The following RGPD4 variants were observed in gnomAD, a reference collection of about 807,000 sequenced individuals.
RGPD4 encodes RANBP2 like and GRIP domain containing 4, also known as ranBP2-like and GRIP domain-containing protein 4.
In RGPD4, 84 loss-of-function variants were observed where a neutral mutation model predicts 141.1. The observed-to-expected ratio is 0.60, with a 90% CI of 0.50 to 0.71. The LOEUF (loss-of-function observed/expected upper bound fraction) is 0.71. RGPD4 is among the 30% of genes least tolerant of loss of function. The pLI is 0.00. For synonymous variants in RGPD4, 298 were observed against 566.8 expected (o/e 0.53, Z 6.74); for missense variants, 918 against 1,622.4 (o/e 0.57, Z 7.46).
chr2:107,827,514 T>C (rs867284319), intron 1 of RGPD4, among the ~76,000 whole-genome samples: 48 of 18,276 alleles, frequency 2.6e-3, no homozygotes, highest in Admixed American at 3.6e-3. Flanking sequence ...CCCGGCCCGG[T>C]GGCGGCCTCG....
chr2:107,848,467 G>C lies in RGPD4; in HGVS notation c.909G>C (p.Gln303His), dbSNP rs1397298877. 2 of 213,054 alleles carry C rather than the reference G, an allele frequency of 9.4e-6. No individual in the cohort carries two copies. The highest frequency in any genetic ancestry group is 1.6e-5 in the Non-Finnish European group (2 of 124,552). 13.2% of individuals were successfully genotyped at this position (213,054 alleles called of 1,614,324 possible). ...HAGSLLLKMGQHGNNVQWRAL... is the reference protein window; with the variant it reads ...HAGSLLLKMGHHGNNVQWRAL... ...GTTCTCTGCTCTTGAAGATGGGTCA[G>C]CATGGTAATAATGTTCAATGGCGAG... Residue 303 changes from glutamine (Q) to histidine (H), a missense_variant, in exon 7 of 23, where the codon CAG becomes CAC. Coordinates refer to ENST00000408999, the MANE Select transcript of RGPD4 (RefSeq NM_182588.3).
At chr2:107,828,017 C>A (rs868821707) in intron 1 of RGPD4, among the ~76,000 whole-genome samples, 3 of 67,152 alleles carry the variant, frequency 4.5e-5, no homozygotes, top group African/African-American at 2.0e-4. Context: ...GGCCCGGCGG[C>A]GGCCGCGATG....
rs1336817763 is a variant in RGPD4 at position 107,838,667 on chromosome 2, A to C, written c.253-145A>C. On this transcript the variant is annotated intron_variant, in intron 3 of 22. Coordinates refer to ENST00000408999, the MANE Select transcript of RGPD4 (RefSeq NM_182588.3). ...GACACTTTTATTTTAACACCTTTGAAGTAATATGTTTTCTCTAGAAGTAGA... is the reference window on the plus strand; with the variant it reads ...GACACTTTTATTTTAACACCTTTGACGTAATATGTTTTCTCTAGAAGTAGA... 2 of 531,880 alleles carry C rather than the reference A, an allele frequency of 3.8e-6. 1 individual carries two copies. Among genetic ancestry groups the C allele is most frequent in the Non-Finnish European group, 5.3e-6 (2 of 378,492 alleles). The allele number at this position is 531,880 out of a possible 1,614,324, so 32.9% of individuals were successfully genotyped here. A position where few individuals can be genotyped will look rare whatever the true frequency, so the allele number is the denominator to read the frequency against.
intron 22 of RGPD4, among the ~76,000 whole-genome samples, chr2:107,883,562 G>A (rs1287794529): frequency 5.4e-5 from 8 of 147,200 alleles, no homozygotes; most frequent in East Asian, 2.0e-4. Flanking sequence ...CTCACGAGGC[G>A]GAGGTTGCAG....
intron 1 of RGPD4, among the ~76,000 whole-genome samples, chr2:107,831,892 G>A (rs1426329549): frequency 7.5e-6 from 1 of 133,096 alleles, no homozygotes; most frequent in Non-Finnish European, 1.6e-5. Flanking sequence ...ATTCTGTACT[G>A]GCTATTATGC....
At chr2:107,874,166 T>C (rs1289058709) in intron 20 of RGPD4, among the ~76,000 whole-genome samples, 9 of 151,428 alleles carry the variant, frequency 5.9e-5, no homozygotes, top group Admixed American at 1.3e-4. Context: ...AATGTTTATG[T>C]TTAGCCACTA....
At chr2:107,874,686 T>C (rs1683039288) in intron 20 of RGPD4, among the ~76,000 whole-genome samples, 1 of 150,478 alleles carries the variant, frequency 6.6e-6, no homozygotes, top group Non-Finnish European at 1.5e-5. Flanking sequence ...TATACACTAC[T>C]GTAGAACATA....
rs755242534 is a variant in RGPD4 at position 107,880,031 on chromosome 2, C to A, written c.4988C>A (p.Thr1663Lys). ...TTGGTTCAGAAGCTCAGTTCCACCA[C>A]AAAAAGTGCAGATCACTTAAACGGC... Reference protein sequence around the residue: ...EELVQKLSSTTKSADHLNGLL... With the variant: ...EELVQKLSSTKKSADHLNGLL... Residue 1663 changes from threonine (T) to lysine (K), a missense_variant, in exon 21 of 23, where the codon ACA (threonine) becomes AAA (lysine). Physicochemically the swap from Thr to Lys is moderately conservative, Grantham distance 78. Coordinates refer to ENST00000408999, the MANE Select transcript of RGPD4 (RefSeq NM_182588.3). The A allele has an allele frequency of 5.0e-6, 8 of 1,611,418 alleles. No individual in the cohort carries two copies. The highest frequency in any genetic ancestry group is 6.8e-6 in the Non-Finnish European group (8 of 1,179,842).
chr2:107,831,712 A>G (rs4078929), intron 1 of RGPD4, among the ~76,000 whole-genome samples: 108 of 142,990 alleles, frequency 7.6e-4, no homozygotes, highest in Middle Eastern at 3.6e-3. Flanking sequence ...CTGGGACTAC[A>G]GGCACCCGCC....
At chr2:107,849,705 C>A (rs1178740296) in intron 7 of RGPD4, among the ~76,000 whole-genome samples, 1 of 72,530 alleles carries the variant, frequency 1.4e-5, no homozygotes, top group South Asian at 6.1e-4. Context: ...GCCTGCATAA[C>A]TTTTGAAAGG....
rs1167860983 is a variant in RGPD4 at position 107,845,207 on chromosome 2, A to ATTTT, written c.782+1523_782+1526dup. 3.4e-5 allele frequency among the ~76,000 whole-genome samples: 2 copies of ATTTT among 59,458 alleles called. 1 individual carries two copies. Among genetic ancestry groups the ATTTT allele is most frequent in the East Asian group, 1.9e-3 (2 of 1,080 alleles). 39.0% of individuals were successfully genotyped at this position (59,458 alleles called of 152,430 possible). ...AGGTGCCCGACACCACACCTGGCTA[A>ATTTT]TTTTTTTTTTTTTTTTTTTTTTTTT... On this transcript the variant is annotated intron_variant, in intron 6 of 22. Transcript: ENST00000408999.
At chr2:107,882,117 C>G (rs1179156007) in intron 21 of RGPD4, among the ~76,000 whole-genome samples, 1 of 151,882 alleles carries the variant, frequency 6.6e-6, no homozygotes, top group Non-Finnish European at 1.5e-5. Context: ...CCATCAGTTC[C>G]CCAGCTTTCA....
In RGPD4 at chr2:107,890,709, T is replaced by G. The variant is rs1675634601; in HGVS notation, c.5267-12T>G. 6.3e-7 allele frequency: 1 copy of G among 1,597,948 alleles called. No homozygotes were observed. Among genetic ancestry groups the G allele is most frequent in the Admixed American group, 1.8e-5 (1 of 56,310 alleles). Reference sequence around the variant, plus strand: ...TCTCTTTTTTCTTTTTTTTTTGTTTTACTTTCCAAAGGTGAGGAATAAAAT... The same window carrying G: ...TCTCTTTTTTCTTTTTTTTTTGTTTGACTTTCCAAAGGTGAGGAATAAAAT... On this transcript the variant is annotated splice_polypyrimidine_tract_variant and intron_variant, in intron 22 of 22. Coordinates refer to ENST00000408999, the MANE Select transcript of RGPD4 (RefSeq NM_182588.3).
intron 1 of RGPD4, among the ~76,000 whole-genome samples, chr2:107,835,680 A>G (rs1207067089): frequency 7.1e-6 from 1 of 140,362 alleles, no homozygotes; most frequent in Admixed American, 7.2e-5. Flanking sequence ...TAAGTGAGAG[A>G]GTGGTACCAC....
intron 22 of RGPD4, among the ~76,000 whole-genome samples, chr2:107,885,871 G>A (rs1336178651): frequency 6.6e-6 from 1 of 151,678 alleles, no homozygotes; most frequent in Non-Finnish European, 1.5e-5. Flanking sequence ...TGGCCAACAT[G>A]GTGAAACCCC....
intron 20 of RGPD4, 108 bp from the exon 21 acceptor site, chr2:107,879,860 C>T: frequency 1.4e-6 from 2 of 1,382,304 alleles, no homozygotes; most frequent in Non-Finnish European, 2.0e-6. Context: ...GAAAGCAGAC[C>T]TATAAAATAT....
chr2:107,853,527 T>C (rs1294623809), intron 7 of RGPD4, among the ~76,000 whole-genome samples: 3 of 136,402 alleles, frequency 2.2e-5, no homozygotes, highest in Admixed American at 1.5e-4. Flanking sequence ...TTATCCATAC[T>C]CTGAAAATGT....
chr2:107,832,687 G>A (rs879642559), intron 1 of RGPD4, among the ~76,000 whole-genome samples: 208 of 150,212 alleles, frequency 1.4e-3, no homozygotes, highest in South Asian at 3.4e-3. Context: ...TCTTTAAAAC[G>A]TCTTTACTTA....
chr2:107,863,556 A>T (rs953736338), intron 17 of RGPD4, among the ~76,000 whole-genome samples: 31 of 150,768 alleles, frequency 2.1e-4, no homozygotes, highest in African/African-American at 7.4e-4. Flanking sequence ...GCAGTGGTGC[A>T]ATCTTGGCTC....
Sources: allele counts gnomAD v4.1 joint callset (sites outside exome capture counted in the v4.1 genomes callset), GRCh38; gene constraint gnomAD v4.1.1; transcripts MANE v1.5; gene names NCBI Gene and HGNC (gene_info 2026-07-23, HGNC 2026-07-21).